The following PRKCA variants were observed in gnomAD, a reference collection of about 807,000 sequenced individuals.
PRKCA encodes protein kinase C alpha, also known as protein kinase C alpha type.
In PRKCA, 27 loss-of-function variants were observed where a neutral mutation model predicts 87.0. The observed-to-expected ratio is 0.31, with a 90% CI of 0.23 to 0.43. The LOEUF (loss-of-function observed/expected upper bound fraction) is 0.43. Among genes scored for constraint, PRKCA ranks in the 20% least tolerant of loss-of-function variants. The pLI, the probability that PRKCA is intolerant of heterozygous loss-of-function variation, is 1.00. For missense variants in PRKCA, 518 were observed against 852.3 expected (o/e 0.61, Z 4.88); for synonymous variants, 329 against 311.1 (o/e 1.06, Z -0.61).
intron 3 of PRKCA, among the ~76,000 whole-genome samples, chr17:66,553,659 C>T (rs748263018): frequency 6.6e-6 from 1 of 152,178 alleles, no homozygotes; most frequent in African/African-American, 2.4e-5. Context: ...GCAGCCATGC[C>T]GTGAGGACAC....
At chr17:66,735,917 TTTC>T (rs1974011171) in intron 10 of PRKCA, among the ~76,000 whole-genome samples, 1 of 129,680 alleles carries the variant, frequency 7.7e-6, no homozygotes, top group African/African-American at 3.1e-5. Context: ...TCTTTCTTTC[TTTC>T]TTTTTTTTTT....
intron 3 of PRKCA, among the ~76,000 whole-genome samples, chr17:66,529,451 A>G (rs1967463217): frequency 6.6e-6 from 1 of 152,110 alleles, no homozygotes; most frequent in South Asian, 2.1e-4. Flanking sequence ...CTCATGCCTC[A>G]TGAAGCCACT....
chr17:66,389,515 G>A (rs1270805257), intron 2 of PRKCA, among the ~76,000 whole-genome samples: 5 of 152,312 alleles, frequency 3.3e-5, no homozygotes, highest in African/African-American at 1.2e-4. Context: ...AAATATGCCG[G>A]AAGTATCTGG....
chr17:66,646,835 T>C (rs1211338170), intron 5 of PRKCA, among the ~76,000 whole-genome samples: 3 of 152,218 alleles, frequency 2.0e-5, no homozygotes, highest in African/African-American at 7.2e-5. Flanking sequence ...TGCCTCTGGA[T>C]AACCTTGAAA....
chr17:66,714,131 C>A (rs181104293), intron 8 of PRKCA, among the ~76,000 whole-genome samples: 2 of 152,170 alleles, frequency 1.3e-5, no homozygotes, highest in East Asian at 3.9e-4. Flanking sequence ...GTATCTCGTG[C>A]GGTGGTGAAG....
intron 3 of PRKCA, among the ~76,000 whole-genome samples, chr17:66,527,823 TG>T (rs908743538): frequency 6.6e-6 from 1 of 152,218 alleles, no homozygotes; most frequent in African/African-American, 2.4e-5. Flanking sequence ...TTTAACTGGG[TG>T]GGACTTGATT....
chr17:66,355,163 CA>C (rs796655592), intron 2 of PRKCA, among the ~76,000 whole-genome samples: 1 of 152,222 alleles, frequency 6.6e-6, no homozygotes, highest in East Asian at 1.9e-4. Context: ...TCATTGAACA[CA>C]TTTTTTTTTC....
chr17:66,432,540 TGC>T (rs1437034977), intron 2 of PRKCA, among the ~76,000 whole-genome samples: 2 of 152,222 alleles, frequency 1.3e-5, no homozygotes, highest in Non-Finnish European at 2.9e-5. Context: ...GATTTTCATT[TGC>T]ATTAAATATG....
At chr17:66,791,887 A>G (rs984599441) in intron 16 of PRKCA, among the ~76,000 whole-genome samples, 1 of 152,260 alleles carries the variant, frequency 6.6e-6, no homozygotes, top group Admixed American at 6.5e-5. Context: ...TGAAAAATGT[A>G]CTGTAGTTTC....
At chr17:66,712,431 CT>C (rs1973354502) in intron 8 of PRKCA, among the ~76,000 whole-genome samples, 1 of 152,124 alleles carries the variant, frequency 6.6e-6, no homozygotes, top group Non-Finnish European at 1.5e-5. Context: ...AATCACAGAG[CT>C]TAGTTTCCCA....
In PRKCA at chr17:66,446,063, C is replaced by G. The variant is rs145198151; in HGVS notation, c.206-50138C>G. 4.4e-3 allele frequency among the ~76,000 whole-genome samples: 675 copies of G among 152,302 alleles called. 6 individuals carry two copies. Among genetic ancestry groups the G allele is most frequent in the African/African-American group, 0.015 (631 of 41,558 alleles). On this transcript the variant is annotated intron_variant, in intron 2 of 16. Coordinates refer to ENST00000413366, the MANE Select transcript of PRKCA (RefSeq NM_002737.3). ...TCCTGAGCTCAAGTGATCCGTGCAC[C>G]TCGGCCTCCCTAAGTGCTGGGATTA...
At chr17:66,679,781 A>G (rs17762314) in intron 5 of PRKCA, among the ~76,000 whole-genome samples, 40,287 of 152,142 alleles carry the variant, frequency 0.26, 5,682 homozygotes, top group East Asian at 0.43. Flanking sequence ...GTCTTGCTCA[A>G]GTCATTTCAA....
chr17:66,394,419 T>G (rs1176280830), intron 2 of PRKCA, among the ~76,000 whole-genome samples: 2 of 152,196 alleles, frequency 1.3e-5, no homozygotes, highest in Admixed American at 1.3e-4. Flanking sequence ...GCTGGCTCAC[T>G]GGGGGATGAG....
intron 3 of PRKCA, among the ~76,000 whole-genome samples, chr17:66,529,704 G>T (rs1246008260): frequency 1.3e-5 from 2 of 152,134 alleles, no homozygotes; most frequent in Non-Finnish European, 2.9e-5. Context: ...ACAAAACGAA[G>T]ATCATTATGA....
In PRKCA at chr17:66,612,351, A is replaced by G. The variant is rs557176169; in HGVS notation, c.289-29004A>G. 1.2e-4 allele frequency among the ~76,000 whole-genome samples: 17 copies of G among 145,766 alleles called. No homozygotes were observed. The South Asian group carries it at 3.9e-3, about 33-fold the overall frequency. Reference sequence around the variant, plus strand: ...AGCCAAGACCACACCATTGCGCTCCAGCCTGGGCAACAAGAGCGAAAATCT... The same window carrying G: ...AGCCAAGACCACACCATTGCGCTCCGGCCTGGGCAACAAGAGCGAAAATCT... On this transcript the variant is annotated intron_variant, in intron 3 of 16. Transcript: ENST00000413366.
intron 3 of PRKCA, among the ~76,000 whole-genome samples, chr17:66,506,926 T>G (rs1917005824): frequency 1.3e-5 from 2 of 152,146 alleles, no homozygotes; most frequent in Non-Finnish European, 2.9e-5. Flanking sequence ...TTGTTGGAAA[T>G]GGTGTCTGGA....
chr17:66,698,929 G>A (rs1972995397), intron 8 of PRKCA, among the ~76,000 whole-genome samples: 1 of 151,850 alleles, frequency 6.6e-6, no homozygotes, highest in Admixed American at 6.6e-5. Flanking sequence ...GCAGTGAGCT[G>A]AGATTTTGCC....
At chr17:66,781,113 T>C (rs7214457) in intron 14 of PRKCA, among the ~76,000 whole-genome samples, 89,984 of 152,008 alleles carry the variant, frequency 0.59, 28,864 homozygotes, top group African/African-American at 0.86. Context: ...AAATAAAAAA[T>C]ATAAAAATAA....
At chr17:66,430,912 A>G (rs747528719) in intron 2 of PRKCA, among the ~76,000 whole-genome samples, 7 of 152,158 alleles carry the variant, frequency 4.6e-5, no homozygotes, top group Non-Finnish European at 1.0e-4. Context: ...CCATGCAGAG[A>G]GGAAAAGTCC....
Sources: allele counts gnomAD v4.1 joint callset (sites outside exome capture counted in the v4.1 genomes callset), GRCh38; gene constraint gnomAD v4.1.1; transcripts MANE v1.5; gene names NCBI Gene and HGNC (gene_info 2026-07-23, HGNC 2026-07-21).